CTNNA3: variants seen among roughly 807,000 people sequenced by gnomAD.
The protein encoded by CTNNA3 is catenin alpha-3.
Under a neutral mutation model 95.7 loss-of-function variants are expected in CTNNA3, and 76 were observed. That is an observed-to-expected ratio of 0.79 (90% CI 0.66 to 0.96). The LOEUF is 0.96. Ranked by LOEUF, CTNNA3 falls within the 40% of genes least tolerant of loss-of-function variation. The pLI, the probability that CTNNA3 is intolerant of heterozygous loss-of-function variation, is 0.00. For synonymous variants in CTNNA3, 431 were observed against 374.4 expected, an observed-to-expected ratio of 1.15 and a Z score of -1.74; for missense variants, 1,191 against 1,089.8, an observed-to-expected ratio of 1.09 and a Z score of -1.31.
intron 7 of CTNNA3, among the ~76,000 whole-genome samples, chr10:67,153,970 C>T (rs948097325): frequency 6.6e-6 from 1 of 151,738 alleles, no homozygotes; most frequent in African/African-American, 2.4e-5. Context: ...TTGTCAACCA[C>T]CTTTAAGGGA....
chr10:67,522,202 A>G (rs1840008454), intron 4 of CTNNA3, among the ~76,000 whole-genome samples: 1 of 152,200 alleles, frequency 6.6e-6, no homozygotes, highest in South Asian at 2.1e-4. Context: ...TCCTCATTCT[A>G]ACAAAAGAGC....
At chr10:66,621,922 C>A (rs1476701747) in intron 9 of CTNNA3, 138 bp from the exon 10 acceptor site, 1 of 518,094 alleles carries the variant, frequency 1.9e-6, no homozygotes, top group Non-Finnish European at 3.4e-6. Context: ...TCACTGGTAT[C>A]TATTTTATGA....
Position 67,504,235 on chromosome 10 carries a change from A to G in CTNNA3, c.579+17607T>C, listed in dbSNP as rs1269736146. On this transcript the variant is annotated intron_variant, in intron 5 of 17. Coordinates refer to ENST00000433211, the MANE Select transcript of CTNNA3 (RefSeq NM_013266.4). ...GAGGAGGCTGAGGCGGGTGGATCAC[A>G]AGGTCAGGAAATCGAGACCATCCTG... Among the ~76,000 whole-genome samples, 3 of 151,194 alleles carry G rather than the reference A, an allele frequency of 2.0e-5. No individual in the cohort carries two copies. In the South Asian group the frequency reaches 6.3e-4, roughly 32 times the overall value.
intron 12 of CTNNA3, 88 bp from the exon 13 acceptor site, chr10:66,280,709 T>C: frequency 1.0e-6 from 1 of 970,172 alleles, no homozygotes. Flanking sequence ...AATTTGGTTT[T>C]AAACAAATAT....
At chr10:66,184,196 G>C (rs898183991) in intron 13 of CTNNA3, among the ~76,000 whole-genome samples, 1 of 152,126 alleles carries the variant, frequency 6.6e-6, no homozygotes, top group African/African-American at 2.4e-5. Context: ...CTACTCAGGA[G>C]GCTGAGGCAG....
chr10:67,570,151 C>T (rs773028031), intron 3 of CTNNA3, among the ~76,000 whole-genome samples: 33 of 152,006 alleles, frequency 2.2e-4, no homozygotes, highest in Non-Finnish European at 4.3e-4. Flanking sequence ...AACTCCTGTG[C>T]TGCATTCGAC....
rs144832745 is a variant in CTNNA3 at position 66,992,461 on chromosome 10, C to T, written c.1047+187856G>A. The stretch of plus-strand genomic sequence containing the variant: ...TGTTCCTAGGAGTTCTTAGTATTAT[C>T]TGAATAAAAAATTCTTTGTCAGTTC... On this transcript the variant is annotated intron_variant, in intron 7 of 17. Coordinates refer to ENST00000433211, the MANE Select transcript of CTNNA3 (RefSeq NM_013266.4). Among the ~76,000 whole-genome samples, 54 of 151,892 alleles carry T rather than the reference C, an allele frequency of 3.6e-4. No homozygotes were observed. The East Asian group carries it at 9.3e-3, about 26-fold the overall frequency.
At chr10:66,969,861 C>T (rs567332389) in intron 7 of CTNNA3, among the ~76,000 whole-genome samples, 68 of 152,246 alleles carry the variant, frequency 4.5e-4, no homozygotes, top group African/African-American at 1.6e-3. Context: ...ATTTCCACAA[C>T]ATGGAGAGTA....
At chr10:66,231,168 G>C (rs2089569719) in intron 13 of CTNNA3, among the ~76,000 whole-genome samples, 3 of 152,122 alleles carry the variant, frequency 2.0e-5, no homozygotes, top group African/African-American at 4.8e-5. Flanking sequence ...AAGCTCTCCT[G>C]TTAGTAGGAG....
At chr10:66,599,815 A>G (rs1843857006) in intron 10 of CTNNA3, among the ~76,000 whole-genome samples, 1 of 151,964 alleles carries the variant, frequency 6.6e-6, no homozygotes, top group Non-Finnish European at 1.5e-5. Flanking sequence ...ACTTACCACC[A>G]ACATAATTCA....
intron 5 of CTNNA3, among the ~76,000 whole-genome samples, chr10:67,495,550 C>T (rs1006038324): frequency 6.6e-6 from 1 of 152,100 alleles, no homozygotes; most frequent in Non-Finnish European, 1.5e-5. Context: ...AGTGGTAGAC[C>T]AGCACAAAAA....
intron 5 of CTNNA3, among the ~76,000 whole-genome samples, chr10:67,315,659 C>T (rs1371434119): frequency 6.6e-6 from 1 of 151,948 alleles, no homozygotes; most frequent in African/African-American, 2.4e-5. Flanking sequence ...GTGTTGAGCA[C>T]AAACTCTATT....
In CTNNA3 at chr10:67,564,677, G is replaced by GTATATATATAAATA. The variant is rs1554854251; in HGVS notation, c.293-25009_293-25008insTATTTATATATATA. On this transcript the variant is annotated intron_variant, in intron 3 of 17. Transcript: ENST00000433211. ...TATATGCATATATGTGTGTGTGTGT[G>GTATATATATAAATA]TATATATATATATATATATATATAT... Among the ~76,000 whole-genome samples, 283 of 61,312 alleles carry GTATATATATAAATA rather than the reference G, an allele frequency of 4.6e-3. 3 individuals carry two copies. Among genetic ancestry groups the GTATATATATAAATA allele is most frequent in the Non-Finnish European group, 7.3e-3 (234 of 32,064 alleles). The allele number at this position is 61,312 out of a possible 152,430, so 40.2% of individuals were successfully genotyped here. A position where few individuals can be genotyped will look rare whatever the true frequency, so the allele number is the denominator to read the frequency against.
intron 7 of CTNNA3, among the ~76,000 whole-genome samples, chr10:66,996,644 C>T (rs1357339291): frequency 3.7e-5 from 1 of 27,128 alleles, no homozygotes; most frequent in Non-Finnish European, 5.7e-5. Flanking sequence ...GAGACTCCGT[C>T]TCTACAAAAA....
At chr10:67,590,916 T>C (rs889105416) in intron 3 of CTNNA3, among the ~76,000 whole-genome samples, 4 of 152,128 alleles carry the variant, frequency 2.6e-5, no homozygotes, top group Admixed American at 2.0e-4. Flanking sequence ...AACTTTGAGC[T>C]AGTAAAATGT....
intron 7 of CTNNA3, among the ~76,000 whole-genome samples, chr10:66,898,310 T>C (rs931090030): frequency 1.3e-5 from 2 of 152,188 alleles, no homozygotes; most frequent in Non-Finnish European, 2.9e-5. Context: ...GGTTGTTCTT[T>C]GTAGAATCAG....
At chr10:67,667,201 T>A (rs1399873453) in intron 1 of CTNNA3, among the ~76,000 whole-genome samples, 2 of 152,174 alleles carry the variant, frequency 1.3e-5, no homozygotes, top group Non-Finnish European at 2.9e-5. Flanking sequence ...AATATATTTC[T>A]CATAAACATG....
rs1160544866 is a variant in CTNNA3, at chr10:67,053,251, C to T, written c.1047+127066G>A. 3.9e-5 allele frequency among the ~76,000 whole-genome samples: 6 copies of T among 152,276 alleles called. No individual in the cohort carries two copies. The East Asian group carries it at 1.2e-3, about 29-fold the overall frequency. On this transcript the variant is annotated intron_variant, in intron 7 of 17. Coordinates refer to ENST00000433211, the MANE Select transcript of CTNNA3 (RefSeq NM_013266.4). ...ATAAGGCTACCTACACACTAGGATG[C>T]AGTGTTTTCCAAATACGCTAATCTT...
chr10:66,400,176 G>C (rs2093009438), intron 11 of CTNNA3, among the ~76,000 whole-genome samples: 1 of 151,756 alleles, frequency 6.6e-6, no homozygotes, highest in Non-Finnish European at 1.5e-5. Context: ...TGTTTACAAA[G>C]AAAATATAAA....
Sources: gnomAD v4.1 joint callset for allele counts (sites outside exome capture counted in the v4.1 genomes callset) on GRCh38, gnomAD v4.1.1 for gene constraint, MANE v1.5 for transcripts, NCBI Gene and HGNC (gene_info 2026-07-23, HGNC 2026-07-21) for gene names.